GLIS3: variants seen among roughly 807,000 people sequenced by gnomAD.
GLIS3 encodes zinc finger protein GLIS3.
In GLIS3, 53 loss-of-function variants were observed where a neutral mutation model predicts 78.6. The observed-to-expected ratio is 0.67, with a 90% CI of 0.54 to 0.85. The LOEUF (loss-of-function observed/expected upper bound fraction) is 0.85. Among genes scored for constraint, GLIS3 ranks in the 40% least tolerant of loss-of-function variants. The probability of loss-of-function intolerance (pLI) is 0.00; values close to 1 mark genes in which losing one functional copy is unlikely to be tolerated. For synonymous variants in GLIS3, 684 were observed against 509.9 expected (o/e 1.34, Z -4.60); for missense variants, 1,703 against 1,231.1 (o/e 1.38, Z -5.74).
intron 2 of GLIS3, among the ~76,000 whole-genome samples, chr9:4,271,242 T>C (rs1169481356): frequency 6.6e-6 from 1 of 152,218 alleles, no homozygotes; most frequent in African/African-American, 2.4e-5. Flanking sequence ...TACTTTATTG[T>C]CAGCACACAG....
intron 2 of GLIS3, among the ~76,000 whole-genome samples, chr9:4,280,974 T>C (rs1827491769): frequency 6.6e-6 from 1 of 152,208 alleles, no homozygotes; most frequent in African/African-American, 2.4e-5. Context: ...AGTGTTTCAG[T>C]AATTTTTTCT....
chr9:4,221,949 A>G (rs935420903), intron 2 of GLIS3, among the ~76,000 whole-genome samples: 11 of 152,240 alleles, frequency 7.2e-5, no homozygotes, highest in African/African-American at 2.7e-4. Flanking sequence ...TCCTATGTAC[A>G]GCTCTGCAAA....
the GLIS3 span, among the ~76,000 whole-genome samples, chr9:4,386,005 T>C: frequency 6.6e-6 from 1 of 152,200 alleles, no homozygotes; most frequent in Non-Finnish European, 1.5e-5. Flanking sequence ...CCCATCTATT[T>C]ATGGCATCTT....
chr9:4,196,338 G>A (rs1020574053), intron 2 of GLIS3, among the ~76,000 whole-genome samples: 1 of 152,096 alleles, frequency 6.6e-6, no homozygotes, highest in African/African-American at 2.4e-5. Flanking sequence ...CAGGATGTGG[G>A]TGGGGTCAGA....
intron 4 of GLIS3, among the ~76,000 whole-genome samples, chr9:4,075,959 C>A (rs1048689008): frequency 7.9e-5 from 12 of 152,112 alleles, no homozygotes; most frequent in African/African-American, 2.9e-4. Flanking sequence ...CCAGAGCCAA[C>A]AGAAGGATTG....
intron 2 of GLIS3, among the ~76,000 whole-genome samples, chr9:4,263,518 A>AG (rs1178450393): frequency 6.6e-6 from 1 of 151,810 alleles, no homozygotes; most frequent in Admixed American, 6.6e-5. Flanking sequence ...GAGGCCAAAA[A>AG]AAAAGGAGGA....
chr9:4,179,908 T>C (rs1817151294), intron 2 of GLIS3, among the ~76,000 whole-genome samples: 1 of 91,170 alleles, frequency 1.1e-5, no homozygotes, highest in East Asian at 3.3e-4. Flanking sequence ...AGACTCTGTC[T>C]CAAAAAAAAA....
At chr9:4,054,222 T>C in intron 4 of GLIS3, 1 of 577,526 alleles carries the variant, frequency 1.7e-6, no homozygotes, top group Non-Finnish European at 2.2e-6. Context: ...CAGCAGAACA[T>C]CAGCTCTGTG....
chr9:4,291,725 T>A (rs958945381), intron 1 of GLIS3, among the ~76,000 whole-genome samples: 1 of 152,146 alleles, frequency 6.6e-6, no homozygotes, highest in Non-Finnish European at 1.5e-5. Context: ...CACACAGTGA[T>A]AATGGCTACA....
chr9:4,399,829 C>T, the GLIS3 span, among the ~76,000 whole-genome samples: 5 of 152,204 alleles, frequency 3.3e-5, no homozygotes, highest in East Asian at 9.6e-4. Context: ...GTTAAGTTTA[C>T]TTTGAGGCAT....
At chr9:4,012,799 T>C (rs114946657) in intron 4 of GLIS3, among the ~76,000 whole-genome samples, 3,086 of 138,114 alleles carry the variant, frequency 0.022, 140 homozygotes, top group African/African-American at 0.077. Context: ...TGAGACAGTG[T>C]TTTGCTCTTA....
rs757167544 is a variant in GLIS3, at chr9:4,293,054, A to AAAAC, written c.-99+6363_-99+6366dup. Among the ~76,000 whole-genome samples the AAAAC allele has an allele frequency of 3.9e-5, 6 of 152,212 alleles. No homozygotes were observed. In the East Asian group the frequency reaches 5.8e-4, roughly 15 times the overall value. On this transcript the variant is annotated intron_variant, in intron 1 of 10. Transcript: ENST00000381971. ...CTGGCTGGAGATGTTTCTTTCAAGA[A>AAAAC]AAACAAACAAACAAACAAAAAACAA...
chr9:4,138,152 T>C (rs973666736), intron 2 of GLIS3, among the ~76,000 whole-genome samples: 26 of 152,206 alleles, frequency 1.7e-4, no homozygotes, highest in African/African-American at 6.0e-4. Flanking sequence ...GGTGGACACA[T>C]CTGTGAAAAT....
chr9:4,187,531 A>G (rs1479943919), intron 2 of GLIS3, among the ~76,000 whole-genome samples: 1 of 152,204 alleles, frequency 6.6e-6, no homozygotes, highest in Non-Finnish European at 1.5e-5. Context: ...AATTCTGTGA[A>G]GAAAGTCATT....
At chr9:3,999,996 C>G (rs1272780188) in intron 4 of GLIS3, among the ~76,000 whole-genome samples, 3 of 152,116 alleles carry the variant, frequency 2.0e-5, no homozygotes, top group African/African-American at 4.8e-5. Flanking sequence ...AAGGGAAACT[C>G]TCGTACATAT....
At chr9:4,039,681 C>T (rs1466942344) in intron 4 of GLIS3, among the ~76,000 whole-genome samples, 1 of 152,214 alleles carries the variant, frequency 6.6e-6, no homozygotes, top group Non-Finnish European at 1.5e-5. Flanking sequence ...AGCCAGTGCT[C>T]TTTCCCACTG....
At chr9:4,452,596 G>C in the GLIS3 span, among the ~76,000 whole-genome samples, 3 of 152,166 alleles carry the variant, frequency 2.0e-5, no homozygotes, top group South Asian at 4.1e-4. Context: ...AAAATACCTA[G>C]GAATCCAACT....
upstream of GLIS3, among the ~76,000 whole-genome samples, chr9:4,303,701 C>G (rs1817153267): frequency 6.6e-6 from 1 of 152,182 alleles, no homozygotes; most frequent in African/African-American, 2.4e-5. Flanking sequence ...CAATATCTCT[C>G]AATCTTGTCT....
chr9:4,196,473 C>T (rs796327411), intron 2 of GLIS3, among the ~76,000 whole-genome samples: 9 of 152,334 alleles, frequency 5.9e-5, no homozygotes, highest in Admixed American at 2.6e-4. Context: ...TATTTGGGTC[C>T]GCACTGCCTT....
Sources: gnomAD v4.1 joint callset for allele counts (sites outside exome capture counted in the v4.1 genomes callset) on GRCh38, gnomAD v4.1.1 for gene constraint, MANE v1.5 for transcripts, NCBI Gene and HGNC (gene_info 2026-07-23, HGNC 2026-07-21) for gene names.